Variants in UPF3B observed in about 807,000 individuals in gnomAD.
UPF3B encodes the protein regulator of nonsense transcripts 3B.
UPF3B carries 7 observed loss-of-function variants against 40.3 expected under a neutral mutation model. The ratio of observed to expected loss-of-function variants is 0.17; its 90% CI spans 0.10 to 0.33. The LOEUF (loss-of-function observed/expected upper bound fraction) is 0.33. UPF3B is among the 10% of genes least tolerant of loss of function. UPF3B has a pLI of 1.00. For synonymous variants in UPF3B, 117 were observed against 117.3 expected, an observed-to-expected ratio of 1.00 and a Z score of 0.01; for missense variants, 229 against 358.9, an observed-to-expected ratio of 0.64 and a Z score of 2.93.
intron 6 of UPF3B, 45 bp downstream of exon 6, chrX:119,841,690 A>T: frequency 8.9e-7 from 1 of 1,122,313 alleles, no homozygotes; most frequent in Non-Finnish European, 1.2e-6. Context: ...AATGCAAAGC[A>T]AAGAAATTAA....
chrX:119,845,429 G>A, intron 3 of UPF3B, 133 bp from the exon 4 acceptor site: 2 of 498,221 alleles, frequency 4.0e-6, no homozygotes, highest in Admixed American at 5.8e-5. Flanking sequence ...AAGGCATAAA[G>A]CACACTGGCA....
intron 3 of UPF3B, among the ~76,000 whole-genome samples, chrX:119,849,614 T>A (rs770474206): frequency 2.7e-5 from 3 of 111,511 alleles, no homozygotes; most frequent in Admixed American, 9.6e-5. Context: ...AGGGAAATTG[T>A]GGAAGACAGG....
chrX:119,842,580 T>TCTCACACACA (rs1556379941), intron 5 of UPF3B, among the ~76,000 whole-genome samples: 37 of 71,464 alleles, frequency 5.2e-4, no homozygotes, highest in African/African-American at 2.1e-3. Flanking sequence ...ACTCCATCTC[T>TCTCACACACA]CACACACACA....
intron 6 of UPF3B, among the ~76,000 whole-genome samples, chrX:119,806,517 G>A (rs2055792856): frequency 9.0e-6 from 1 of 111,726 alleles, no homozygotes; most frequent in African/African-American, 3.3e-5. Flanking sequence ...AAAAGCAGAT[G>A]TTTGAAAATA....
chrX:119,832,282 G>A (rs1009221603), downstream of UPF3B, among the ~76,000 whole-genome samples: 5 of 111,457 alleles, frequency 4.5e-5, no homozygotes, highest in Non-Finnish European at 3.8e-5. Context: ...TTTTTGAGAC[G>A]GAGTCTCACT....
intron 3 of UPF3B, among the ~76,000 whole-genome samples, chrX:119,823,381 C>G (rs1474063836): frequency 9.1e-6 from 1 of 110,247 alleles, no homozygotes; most frequent in Non-Finnish European, 1.9e-5. Context: ...TAGCTGGGAT[C>G]GCAGGCCCGT....
intron 3 of UPF3B, among the ~76,000 whole-genome samples, chrX:119,823,558 CTT>C (rs1193140140): frequency 1.5e-4 from 3 of 20,064 alleles, no homozygotes; most frequent in Non-Finnish European, 2.1e-4. Context: ...TTTTTTTCCT[CTT>C]TTTTTTTTTT....
chrX:119,848,396 C>T (rs775986165), intron 3 of UPF3B, among the ~76,000 whole-genome samples: 2 of 110,231 alleles, frequency 1.8e-5, no homozygotes, highest in South Asian at 7.6e-4. Flanking sequence ...TATGTTTCCA[C>T]CTATATGTGG....
intron 5 of UPF3B, among the ~76,000 whole-genome samples, chrX:119,809,304 A>C (rs151003950): frequency 5.9e-4 from 66 of 112,225 alleles, no homozygotes; most frequent in African/African-American, 1.9e-3. Context: ...ACACATAAGG[A>C]TTACAATTCA....
rs763958652 is a variant in UPF3B at position 119,834,334 on chromosome X, T to C, written c.*544A>G. 1 of 756,500 alleles carries C rather than the reference T, an allele frequency of 1.3e-6. No individual in the cohort carries two copies. 62.3% of individuals were successfully genotyped at this position (756,500 alleles called of 1,213,427 possible). A position where few individuals can be genotyped will look rare whatever the true frequency, so the allele number is the denominator to read the frequency against. On this transcript the variant is annotated 3_prime_UTR_variant, in exon 11 of 11. Coordinates refer to ENST00000276201, the MANE Select transcript of UPF3B (RefSeq NM_080632.3). ...TAGGACACTGGATACAGAAGTAACA[T>C]AACTATTTAAATTTTTGTATCAACG...
At chrX:119,817,621 A>C (rs2055876426) in intron 4 of UPF3B, among the ~76,000 whole-genome samples, 1 of 112,151 alleles carries the variant, frequency 8.9e-6, no homozygotes, top group African/African-American at 3.2e-5. Context: ...TATTATCAAG[A>C]AACTATGCAT....
intron 2 of UPF3B, 29 bp from the exon 3 acceptor site, chrX:119,851,630 G>A (rs1178667638): frequency 9.4e-7 from 1 of 1,068,428 alleles, no homozygotes. Context: ...TTATGTAAAT[G>A]TACTCGCAGG....
At chrX:119,840,771 G>T in intron 7 of UPF3B, 87 bp from the exon 8 acceptor site, 1 of 953,494 alleles carries the variant, frequency 1.0e-6, no homozygotes, top group Non-Finnish European at 1.5e-6. Flanking sequence ...AATCATGCCA[G>T]CCAGCCCTAA....
At chrX:119,851,947 TGAA>T (rs1393846364) in intron 1 of UPF3B, 74 bp from the exon 2 acceptor site, 3 of 691,742 alleles carry the variant, frequency 4.3e-6, no homozygotes, top group African/African-American at 2.2e-5. Flanking sequence ...TCACAGTTCC[TGAA>T]GAAGGCTGGG....
intron 4 of UPF3B, among the ~76,000 whole-genome samples, chrX:119,819,366 A>T (rs778039011): frequency 9.0e-5 from 10 of 110,838 alleles, no homozygotes; most frequent in African/African-American, 2.9e-4. Flanking sequence ...CCTGCTTATT[A>T]TAAGAGTGTT....
In UPF3B at chrX:119,837,814, G is replaced by A. The variant is rs1292343496; in HGVS notation, c.1245C>T (p.Ser415=). Reference sequence around the variant, plus strand: ...CTTCTTTCTTTTCAGTTTTTTCTGAGCTGCCTATTGATTCTGTACTTTCAG... The same window carrying A: ...CTTCTTTCTTTTCAGTTTTTTCTGAACTGCCTATTGATTCTGTACTTTCAG... ...KKAESTESIG[S]SEKTEKKEEV... Residue 415 remains serine (S), a synonymous_variant, in exon 10 of 11, where the codon AGC becomes AGT. Coordinates refer to ENST00000276201, the MANE Select transcript of UPF3B (RefSeq NM_080632.3). 1.7e-6 allele frequency: 2 copies of A among 1,209,748 alleles called. No homozygotes were observed. The highest frequency in any genetic ancestry group is 1.8e-5 in the South Asian group (1 of 56,532).
At chrX:119,839,764 C>A (rs1338184154) in intron 8 of UPF3B, among the ~76,000 whole-genome samples, 1 of 112,081 alleles carries the variant, frequency 8.9e-6, no homozygotes, top group Non-Finnish European at 1.9e-5. Flanking sequence ...GTGCAGGTTT[C>A]ATTGGAAGTG....
chrX:119,821,296 C>A (rs1686613301), intron 4 of UPF3B, among the ~76,000 whole-genome samples: 1 of 112,216 alleles, frequency 8.9e-6, no homozygotes, highest in African/African-American at 3.2e-5. Flanking sequence ...AACTGTGAAC[C>A]AGTTAAACCT....
At chrX:119,843,573 T>C (rs2056192551) in intron 4 of UPF3B, among the ~76,000 whole-genome samples, 1 of 111,840 alleles carries the variant, frequency 8.9e-6, no homozygotes, top group Admixed American at 9.5e-5. Context: ...ACTAGGGGTA[T>C]TACATAGTTT....
Sources: gnomAD v4.1 joint callset for allele counts (sites outside exome capture counted in the v4.1 genomes callset) on GRCh38, gnomAD v4.1.1 for gene constraint, MANE v1.5 for transcripts, NCBI Gene and HGNC (gene_info 2026-07-23, HGNC 2026-07-21) for gene names.